Variants in PGS1 observed in about 807,000 individuals in gnomAD.
PGS1 encodes phosphatidylglycerophosphate synthase 1, also known as CDP-diacylglycerol--glycerol-3-phosphate 3-phosphatidyltransferase, mitochondrial.
A neutral mutation model predicts 58.3 loss-of-function variants in PGS1; 44 were observed. The observed-to-expected ratio is 0.75, with a 90% CI of 0.59 to 0.97. The LOEUF is 0.97. Ranked by LOEUF, PGS1 falls within the 50% of genes least tolerant of loss-of-function variation. The pLI, the probability that PGS1 is intolerant of heterozygous loss-of-function variation, is 0.00. For synonymous variants in PGS1, 330 were observed against 311.0 expected (o/e 1.06, Z -0.64); for missense variants, 684 against 731.1 (o/e 0.94, Z 0.74).
chr17:78,395,833 G>C (rs781329379), intron 2 of PGS1, among the ~76,000 whole-genome samples: 10 of 152,178 alleles, frequency 6.6e-5, no homozygotes, highest in Non-Finnish European at 1.2e-4. Context: ...CTGCCTCCTG[G>C]GTTCAAGTGA....
intron 3 of PGS1, 149 bp from the exon 4 acceptor site, chr17:78,398,102 CT>C: frequency 1.4e-6 from 1 of 736,286 alleles, no homozygotes. Flanking sequence ...AGACAGATAG[CT>C]TTTGTGGTGT....
chr17:78,393,039 C>T (rs59448037), intron 2 of PGS1, among the ~76,000 whole-genome samples: 22,876 of 149,554 alleles, frequency 0.15, 2,038 homozygotes, highest in African/African-American at 0.25. Context: ...CCACTGTGTG[C>T]GGCCACGGGC....
intron 6 of PGS1, among the ~76,000 whole-genome samples, chr17:78,402,757 C>A (rs2083791353): frequency 6.6e-6 from 1 of 151,392 alleles, no homozygotes; most frequent in Non-Finnish European, 1.5e-5. Flanking sequence ...CCGGCCTGTT[C>A]TTATTTTTAT....
intron 7 of PGS1, among the ~76,000 whole-genome samples, chr17:78,409,528 C>T (rs2084446697): frequency 6.6e-6 from 1 of 152,234 alleles, no homozygotes; most frequent in African/African-American, 2.4e-5. Context: ...CGGCTCTCCC[C>T]TGGGCACCCA....
At chr17:78,398,538 T>C (rs2083420015) in intron 4 of PGS1, among the ~76,000 whole-genome samples, 187 bp downstream of exon 4, 1 of 152,220 alleles carries the variant, frequency 6.6e-6, no homozygotes. Flanking sequence ...AAAGCCCAAC[T>C]AAAAACAGCT....
chr17:78,417,160 C>T (rs1172489318), intron 8 of PGS1, among the ~76,000 whole-genome samples: 4 of 152,328 alleles, frequency 2.6e-5, no homozygotes, highest in East Asian at 1.9e-4. Context: ...GTCGTAACCT[C>T]GTCAGCTGAC....
At chr17:78,399,301 C>A in intron 4 of PGS1, 47 bp from the exon 5 acceptor site, 2 of 1,491,704 alleles carry the variant, frequency 1.3e-6, no homozygotes, top group Non-Finnish European at 1.9e-6. Context: ...GGGGGCAGGA[C>A]GCCTTCCTGT....
intron 1 of PGS1, among the ~76,000 whole-genome samples, chr17:78,380,156 G>A (rs780981127): frequency 6.3e-4 from 96 of 152,090 alleles, no homozygotes; most frequent in South Asian, 2.7e-3. Flanking sequence ...GTGAGCCACC[G>A]TGCCCGGCTG....
intron 1 of PGS1, among the ~76,000 whole-genome samples, chr17:78,387,919 C>G (rs1225367949): frequency 6.6e-6 from 1 of 152,150 alleles, no homozygotes; most frequent in East Asian, 1.9e-4. Flanking sequence ...TTGAGTGACA[C>G]TAGTCCAGAT....
In PGS1 at chr17:78,424,096, G is replaced by A; in HGVS notation, c.*46G>A. On this transcript the variant is annotated 3_prime_UTR_variant, in exon 10 of 10. Transcript: ENST00000262764. ...GATGAAGATGACAGGCATGGCCGGG[G>A]TCAGCTCTTTCAGCCGCGCTTCAGC... 6.2e-7 allele frequency: 1 copy of A among 1,613,918 alleles called. No individual in the cohort carries two copies. The highest frequency in any genetic ancestry group is 8.5e-7 in the Non-Finnish European group (1 of 1,179,886).
chr17:78,423,935 C>G, intron 9 of PGS1, 126 bp from the exon 10 acceptor site: 18 of 1,613,938 alleles, frequency 1.1e-5, no homozygotes, highest in Non-Finnish European at 1.5e-5. Flanking sequence ...GCCACGGCTG[C>G]CAGGATCCAC....
rs542901505 is a variant in PGS1 at position 78,415,285 on chromosome 17, C to G, written c.1551+258C>G. On this transcript the variant is annotated intron_variant, in intron 8 of 9. Transcript: ENST00000262764. ...CTTTCTCTGCACTAGGGGAGACCAC[C>G]ATTTTCTCCCTGGGACCTTTTCCTT... Among the ~76,000 whole-genome samples the G allele has an allele frequency of 5.3e-5, 8 of 152,304 alleles. No individual in the cohort carries two copies. The East Asian group carries it at 1.5e-3, about 29-fold the overall frequency.
At chr17:78,423,966 C>CTTCAAG (rs1568025596) in intron 9 of PGS1, 95 bp from the exon 10 acceptor site, 3 of 1,614,022 alleles carry the variant, frequency 1.9e-6, no homozygotes, top group Non-Finnish European at 2.5e-6. Flanking sequence ...TCTCTTTGGT[C>CTTCAAG]TTCAAGTTAA....
At chr17:78,390,062 T>TCCCCTGCCCCCGCC (rs1555628294) in intron 1 of PGS1, among the ~76,000 whole-genome samples, 1 of 128,606 alleles carries the variant, frequency 7.8e-6, no homozygotes, top group African/African-American at 3.0e-5. Flanking sequence ...TGTTGCCTGT[T>TCCCCTGCCCCCGCC]CCCCCGCCCC....
chr17:78,404,133 A>G (rs2083914181), intron 7 of PGS1, 44 bp downstream of exon 7: 2 of 1,471,530 alleles, frequency 1.4e-6, no homozygotes, highest in African/African-American at 2.8e-5. Context: ...TGGGACAGCC[A>G]CAAACATGGG....
intron 7 of PGS1, 113 bp from the exon 8 acceptor site, chr17:78,414,765 CG>C: frequency 8.4e-7 from 1 of 1,183,510 alleles, no homozygotes; most frequent in Non-Finnish European, 1.2e-6. Flanking sequence ...AGCAGCCCCT[CG>C]TGTCCAGGCA....
At chr17:78,378,855 C>G (rs908206687) in intron 1 of PGS1, 47 bp downstream of exon 1, 1 of 1,355,292 alleles carries the variant, frequency 7.4e-7, no homozygotes, top group African/African-American at 1.5e-5. Context: ...CGGCTGCAGC[C>G]CGGCCCCCCG....
At chr17:78,413,809 A>G (rs1567997014) in intron 7 of PGS1, among the ~76,000 whole-genome samples, 1 of 152,180 alleles carries the variant, frequency 6.6e-6, no homozygotes, top group African/African-American at 2.4e-5. Flanking sequence ...GACCTCGGGA[A>G]GTTGTGGAAC....
chr17:78,416,202 C>G (rs1253050425), intron 8 of PGS1, among the ~76,000 whole-genome samples: 27 of 152,162 alleles, frequency 1.8e-4, no homozygotes, highest in Non-Finnish European at 2.9e-5. Flanking sequence ...AATGGGTTTG[C>G]TCAGGTTTCT....
Sources: gnomAD v4.1 joint callset for allele counts (sites outside exome capture counted in the v4.1 genomes callset) on GRCh38, gnomAD v4.1.1 for gene constraint, MANE v1.5 for transcripts, NCBI Gene and HGNC (gene_info 2026-07-23, HGNC 2026-07-21) for gene names.